Variants in DLGAP2 observed in about 807,000 individuals in gnomAD.
DLGAP2 encodes disks large-associated protein 2.
In DLGAP2, 26 loss-of-function variants were observed where a neutral mutation model predicts 100.3. The observed-to-expected ratio is 0.26, with a 90% CI of 0.19 to 0.36. The LOEUF (loss-of-function observed/expected upper bound fraction) is 0.36. Among genes scored for constraint, DLGAP2 ranks in the 10% least tolerant of loss-of-function variants. The pLI is 1.00. For synonymous variants in DLGAP2, 886 were observed against 630.1 expected (o/e 1.41, Z -6.08); for missense variants, 1,858 against 1,453.2 (o/e 1.28, Z -4.53).
At chr8:1,549,712 C>T (rs756846687) in intron 5 of DLGAP2, 29 bp downstream of exon 5, 22 of 1,509,448 alleles carry the variant, frequency 1.5e-5, no homozygotes, top group Admixed American at 4.2e-5. Flanking sequence ...CTGTGGAGGC[C>T]GTCTCGGCAC....
intron 2 of DLGAP2, among the ~76,000 whole-genome samples, chr8:1,189,795 C>T (rs1490813854): frequency 6.6e-6 from 1 of 152,062 alleles, no homozygotes; most frequent in Non-Finnish European, 1.5e-5. Context: ...CTTCCATAAG[C>T]GGGAGGGCTG....
intron 3 of DLGAP2, among the ~76,000 whole-genome samples, chr8:1,290,871 A>G (rs1034271833): frequency 9.9e-5 from 15 of 152,226 alleles, no homozygotes; most frequent in African/African-American, 3.1e-4. Context: ...GTGGAAAAAT[A>G]GACATAACAT....
intron 1 of DLGAP2, among the ~76,000 whole-genome samples, chr8:812,440 A>G (rs926769995): frequency 4.6e-5 from 7 of 152,290 alleles, no homozygotes; most frequent in Admixed American, 1.3e-4. Context: ...GACTCTCAGC[A>G]TTGACTCAGG....
In DLGAP2 at chr8:1,391,855, C is replaced by G. The variant is rs117918405; in HGVS notation, c.107-109511C>G. On this transcript the variant is annotated intron_variant, in intron 3 of 14. Coordinates refer to ENST00000637795, the MANE Select transcript of DLGAP2 (RefSeq NM_001346810.2). The stretch of plus-strand genomic sequence containing the variant: ...CAAATGTGTTGCTGCATCTCCAAGA[C>G]CCGAGTATGTGTCTTCCCCTCCTGA... 2.0e-3 allele frequency among the ~76,000 whole-genome samples: 303 copies of G among 152,370 alleles called. 7 individuals are homozygous for G. In the East Asian group the frequency reaches 0.052, roughly 26 times the overall value.
intron 2 of DLGAP2, among the ~76,000 whole-genome samples, chr8:1,097,182 G>A (rs1416687415): frequency 7.5e-6 from 1 of 133,590 alleles, no homozygotes; most frequent in African/African-American, 3.0e-5. Context: ...AGCTCCCTCT[G>A]CTCAGGAGAG....
At chr8:1,436,251 C>T (rs1336230950) in intron 3 of DLGAP2, among the ~76,000 whole-genome samples, 1 of 152,174 alleles carries the variant, frequency 6.6e-6, no homozygotes, top group Non-Finnish European at 1.5e-5. Context: ...TGGCCAAAGG[C>T]CTGAGAGCCC....
chr8:1,448,017 T>A (rs1478951421), intron 3 of DLGAP2, among the ~76,000 whole-genome samples: 1 of 152,224 alleles, frequency 6.6e-6, no homozygotes. Flanking sequence ...ATCTATTTTG[T>A]TGATCTTTTC....
chr8:747,514 G>A lies in DLGAP2; in HGVS notation c.18+9689G>A, dbSNP rs528579434. On this transcript the variant is annotated intron_variant, in intron 1 of 14. Coordinates refer to ENST00000637795, the MANE Select transcript of DLGAP2 (RefSeq NM_001346810.2). Reference sequence around the variant, plus strand: ...GCCGAGGGGAACGCGGAGGACACAGGCGGCTGGAGGGTGACCTTTGAAGTA... The same window carrying A: ...GCCGAGGGGAACGCGGAGGACACAGACGGCTGGAGGGTGACCTTTGAAGTA... Among the ~76,000 whole-genome samples, 91 of 146,464 alleles carry A rather than the reference G, an allele frequency of 6.2e-4. No homozygotes were observed. The Middle Eastern group carries it at 0.01, about 17-fold the overall frequency.
chr8:1,635,463 C>G (rs144193389), intron 8 of DLGAP2, among the ~76,000 whole-genome samples: 61 of 152,272 alleles, frequency 4.0e-4, no homozygotes, highest in African/African-American at 1.5e-3. Context: ...GCACTACGTT[C>G]AATAGCTGTC....
intron 2 of DLGAP2, among the ~76,000 whole-genome samples, chr8:909,851 G>A (rs17065457): frequency 0.12 from 18,597 of 152,164 alleles, 1,398 homozygotes; most frequent in African/African-American, 0.2. Context: ...CAGTATGTCC[G>A]AAGCTGCTTC....
At chr8:1,677,005 C>T (rs544580763) in intron 11 of DLGAP2, among the ~76,000 whole-genome samples, 33 of 152,190 alleles carry the variant, frequency 2.2e-4, no homozygotes, top group South Asian at 8.3e-4. Context: ...CTTCATACAC[C>T]GTGAAATTGT....
At chr8:1,213,771 A>G (rs548429986) in intron 2 of DLGAP2, among the ~76,000 whole-genome samples, 8 of 152,294 alleles carry the variant, frequency 5.3e-5, no homozygotes, top group African/African-American at 1.9e-4. Flanking sequence ...GGACACCAGC[A>G]TCCATCTTTC....
chr8:1,657,893 C>T (rs183773979), intron 8 of DLGAP2, among the ~76,000 whole-genome samples: 43 of 152,154 alleles, frequency 2.8e-4, no homozygotes, highest in Middle Eastern at 6.8e-3. Context: ...AAAGAATTTA[C>T]GACATGGACA....
intron 3 of DLGAP2, among the ~76,000 whole-genome samples, chr8:1,321,445 C>G (rs768145857): frequency 1.3e-5 from 2 of 152,172 alleles, no homozygotes; most frequent in Non-Finnish European, 2.9e-5. Context: ...CCATGCGTCT[C>G]TGCATGTGTG....
intron 3 of DLGAP2, among the ~76,000 whole-genome samples, chr8:1,273,606 A>G (rs1052713463): frequency 6.6e-5 from 10 of 152,194 alleles, no homozygotes; most frequent in South Asian, 2.1e-4. Flanking sequence ...AGGCAGCTCC[A>G]TCCTTCCCAG....
At chr8:1,139,751 G>T (rs748357681) in intron 2 of DLGAP2, among the ~76,000 whole-genome samples, 5 of 152,148 alleles carry the variant, frequency 3.3e-5, no homozygotes, top group Non-Finnish European at 4.4e-5. Context: ...AGGGAGTGAG[G>T]ATGGTGCCTG....
At chr8:879,624 G>A (rs1048540614) in intron 1 of DLGAP2, among the ~76,000 whole-genome samples, 3 of 152,118 alleles carry the variant, frequency 2.0e-5, no homozygotes, top group African/African-American at 7.2e-5. Context: ...ACACAAATCC[G>A]TTCTTTAGTT....
intron 1 of DLGAP2, among the ~76,000 whole-genome samples, chr8:878,496 T>A (rs934160816): frequency 9.2e-5 from 14 of 152,096 alleles, no homozygotes; most frequent in African/African-American, 3.4e-4. Context: ...AGAGAGTATA[T>A]TTCTAGGAAA....
At chr8:1,433,412 G>T (rs966884429) in intron 3 of DLGAP2, among the ~76,000 whole-genome samples, 5 of 152,172 alleles carry the variant, frequency 3.3e-5, no homozygotes, top group Non-Finnish European at 5.9e-5. Context: ...CGGTGGCCAG[G>T]CCCAAGCACC....
Sources: gnomAD v4.1 joint callset for allele counts (sites outside exome capture counted in the v4.1 genomes callset) on GRCh38, gnomAD v4.1.1 for gene constraint, MANE v1.5 for transcripts, NCBI Gene and HGNC (gene_info 2026-07-23, HGNC 2026-07-21) for gene names.